ADCY10: variants seen among roughly 807,000 people sequenced by gnomAD.
The protein encoded by ADCY10 is adenylate cyclase 10, also known as adenylate cyclase type 10.
A neutral mutation model predicts 183.3 loss-of-function variants in ADCY10; 156 were observed. The observed-to-expected ratio is 0.85, with a 90% CI of 0.75 to 0.97. ADCY10 has a LOEUF of 0.97. ADCY10 is among the 50% of genes least tolerant of loss of function. The probability of loss-of-function intolerance (pLI) is 0.00; values close to 1 mark genes in which losing one functional copy is unlikely to be tolerated. For synonymous variants in ADCY10, 645 were observed against 670.0 expected (o/e 0.96, Z 0.58); for missense variants, 1,745 against 1,934.3 (o/e 0.90, Z 1.84).
chr1:167,884,187 T>C (rs1668062077), intron 8 of ADCY10, among the ~76,000 whole-genome samples: 1 of 152,190 alleles, frequency 6.6e-6, no homozygotes, highest in South Asian at 2.1e-4. Flanking sequence ...AACTACCTGA[T>C]ACTGGGTAAT....
chr1:167,867,983 C>T (rs908171950), intron 14 of ADCY10, among the ~76,000 whole-genome samples: 2 of 152,022 alleles, frequency 1.3e-5, no homozygotes, highest in South Asian at 2.1e-4. Context: ...ATTACAAATC[C>T]CTTAAACCCA....
chr1:167,822,731 A>G (rs1662989086), intron 29 of ADCY10, among the ~76,000 whole-genome samples: 1 of 152,230 alleles, frequency 6.6e-6, no homozygotes, highest in Non-Finnish European at 1.5e-5. Context: ...ACAGTCAGCC[A>G]CTATCACTTA....
intron 6 of ADCY10, among the ~76,000 whole-genome samples, chr1:167,898,474 C>A (rs1669158677): frequency 6.6e-6 from 1 of 152,032 alleles, no homozygotes; most frequent in African/African-American, 2.4e-5. Context: ...GTAGCGGGCA[C>A]CTGTAATTCC....
intron 18 of ADCY10, 63 bp downstream of exon 18, chr1:167,854,290 C>T: frequency 2.5e-6 from 4 of 1,609,674 alleles, no homozygotes; most frequent in Non-Finnish European, 3.4e-6. Flanking sequence ...TTGCTACCTT[C>T]TCTGAATGAA....
intron 26 of ADCY10, 39 bp downstream of exon 26, chr1:167,829,228 A>T (rs758169138): frequency 6.2e-7 from 1 of 1,612,686 alleles, no homozygotes; most frequent in South Asian, 1.1e-5. Context: ...CCCAAATGAA[A>T]TTCAGAAACT....
At chr1:167,910,565 A>G (rs996670601) in intron 1 of ADCY10, among the ~76,000 whole-genome samples, 2 of 152,230 alleles carry the variant, frequency 1.3e-5, no homozygotes, top group African/African-American at 4.8e-5. Context: ...TCCTTGAGGT[A>G]GAAATTTGGT....
Position 167,860,884 on chromosome 1 carries a change from A to T in ADCY10, c.1796T>A (p.Ile599Asn), listed in dbSNP as rs1342930815. Residue 599 changes from isoleucine to asparagine, a missense_variant, in exon 15 of 33, where the codon ATT (isoleucine) becomes AAT (asparagine). By Grantham distance (149) the Ile-to-Asn change is moderately radical (BLOSUM62 -3). Coordinates refer to ENST00000367851, the MANE Select transcript of ADCY10 (RefSeq NM_018417.6). The stretch of plus-strand genomic sequence containing the variant: ...CTAGCTAGTTACCTGAACATGGAAA[A>T]TGTCATTAAGAAGACAGTAGAACTT... ...DEKFYCLLND[I>N]FHVQFPISRE... 6.2e-7 allele frequency: 1 copy of T among 1,613,962 alleles called. No individual in the cohort carries two copies. Among genetic ancestry groups the T allele is most frequent in the African/African-American group, 1.3e-5 (1 of 74,910 alleles).
intron 13 of ADCY10, among the ~76,000 whole-genome samples, chr1:167,873,082 A>G (rs1308966473): frequency 6.6e-6 from 1 of 152,070 alleles, no homozygotes; most frequent in Non-Finnish European, 1.5e-5. Context: ...AAGAAAAAAA[A>G]AAGAAATATC....
In ADCY10 at chr1:167,823,103, A is replaced by T; in HGVS notation, c.4073T>A (p.Val1358Glu). Residue 1358 changes from valine to glutamate, a missense_variant, in exon 29 of 33, where the codon GTG (valine) becomes GAG (glutamate). Coordinates refer to ENST00000367851, the MANE Select transcript of ADCY10 (RefSeq NM_018417.6). ...AGAAAGCTCCCACAGCCGCCCCAGC[A>T]CCTGGATCAATTGCGGGTATCTATG... is the stretch of plus-strand genomic sequence containing the variant. ...LNSRYPQLIQ[V>E]LGRLWELSVT... 1 of 1,614,154 alleles carries T rather than the reference A, an allele frequency of 6.2e-7. No individual in the cohort carries two copies. Among genetic ancestry groups the T allele is most frequent in the Non-Finnish European group, 8.5e-7 (1 of 1,180,016 alleles).
intron 9 of ADCY10, 129 bp downstream of exon 9, chr1:167,883,308 G>A (rs1161589602): frequency 2.0e-6 from 2 of 1,009,598 alleles, no homozygotes; most frequent in African/African-American, 3.2e-5. Flanking sequence ...AAAGAGCTGG[G>A]ATTACAGGCG....
At chr1:167,911,377 C>G (rs1342675551) in intron 1 of ADCY10, among the ~76,000 whole-genome samples, 3 of 152,210 alleles carry the variant, frequency 2.0e-5, no homozygotes, top group Non-Finnish European at 4.4e-5. Context: ...TCTTGGCTCC[C>G]ACAATGTAGC....
intron 14 of ADCY10, among the ~76,000 whole-genome samples, chr1:167,863,752 G>T (rs1666466891): frequency 6.6e-6 from 1 of 152,278 alleles, no homozygotes; most frequent in Non-Finnish European, 1.5e-5. Flanking sequence ...CGCCAGAGCA[G>T]TGTGTGGCAG....
chr1:167,824,820 G>A lies in ADCY10; in HGVS notation c.3786C>T (p.His1262=). 1.9e-6 allele frequency: 3 copies of A among 1,614,240 alleles called. No individual in the cohort carries two copies. The highest frequency in any genetic ancestry group is 1.7e-6 in the Non-Finnish European group (2 of 1,180,054). The change falls in exon 27 of 33, where the codon CAC becomes CAT. Residue 1262 remains histidine (H), a synonymous_variant. Transcript: ENST00000367851. The stretch of plus-strand genomic sequence containing the variant: ...ACACACCTTTGTAGCCAGCCAGGTG[G>A]TGGTATAGCGAATAGTCTAGGTAAG... ...IKAYLDYSLY[H]HLAGYKGVWF...
intron 1 of ADCY10, among the ~76,000 whole-genome samples, chr1:167,907,315 A>G (rs1311900488): frequency 6.6e-6 from 1 of 152,226 alleles, no homozygotes; most frequent in Non-Finnish European, 1.5e-5. Flanking sequence ...TCATTATCAA[A>G]TAACTTTGAA....
chr1:167,870,559 G>C (rs550810700), intron 13 of ADCY10, 149 bp from the exon 14 acceptor site: 11 of 656,960 alleles, frequency 1.7e-5, no homozygotes, highest in Admixed American at 5.0e-5. Context: ...TTGGGAGGCC[G>C]AGGTGGGCGG....
Position 167,859,906 on chromosome 1 carries a change from T to G in ADCY10, c.1810-13A>C. ...GAGAAATAGGGAACTGTACAAAGAA[T>G]TATGAGAATATTGAGTATGGGAAAA... On this transcript the variant is annotated splice_polypyrimidine_tract_variant and intron_variant, in intron 15 of 32. Transcript: ENST00000367851. The G allele has an allele frequency of 6.3e-7, 1 of 1,592,802 alleles. No homozygotes were observed. The highest frequency in any genetic ancestry group is 1.1e-5 in the South Asian group (1 of 90,660).
At position 167,856,307 on chromosome 1, in the gene ADCY10, T is replaced by C; in HGVS notation, c.2029A>G (p.Asn677Asp). Residue 677 changes from asparagine to aspartate, a missense_variant, in exon 17 of 33, where the codon AAC becomes GAC. Asn to Asp is a conservative substitution (Grantham distance 23, BLOSUM62 1). Transcript: ENST00000367851. ...GCCCTGGCAGCTGCACAGGGAATGT[T>C]AACGAAGGGACACAGGGACATAATG... ...FIIMSLCPFV[N>D]IPCAAARAVI... 6.2e-7 allele frequency: 1 copy of C among 1,614,074 alleles called. No individual in the cohort carries two copies. The highest frequency in any genetic ancestry group is 8.5e-7 in the Non-Finnish European group (1 of 1,179,998).
chr1:167,883,099 G>T (rs188815980), intron 9 of ADCY10, among the ~76,000 whole-genome samples: 1 of 152,336 alleles, frequency 6.6e-6, no homozygotes, highest in African/African-American at 2.4e-5. Context: ...GCGCAGTGGT[G>T]CGATCTCGGC....
At chr1:167,913,690 G>A (rs962719518) in intron 1 of ADCY10, among the ~76,000 whole-genome samples, 2 of 150,962 alleles carry the variant, frequency 1.3e-5, no homozygotes, top group South Asian at 4.3e-4. Flanking sequence ...GGTAGTTGTT[G>A]ACTGATAAAA....
Sources: gnomAD v4.1 joint callset for allele counts (sites outside exome capture counted in the v4.1 genomes callset) on GRCh38, gnomAD v4.1.1 for gene constraint, MANE v1.5 for transcripts, NCBI Gene and HGNC (gene_info 2026-07-23, HGNC 2026-07-21) for gene names.